RETREG1: variants seen among roughly 807,000 people sequenced by gnomAD.
RETREG1 encodes the protein reticulophagy regulator 1, also known as family with sequence similarity 134 member B.
A neutral mutation model predicts 54.8 loss-of-function variants in RETREG1; 44 were observed. The observed-to-expected ratio is 0.80, with a 90% CI of 0.63 to 1.03. The LOEUF (loss-of-function observed/expected upper bound fraction) is 1.03. RETREG1 is among the 50% of genes least tolerant of loss of function. The pLI, the probability that RETREG1 is intolerant of heterozygous loss-of-function variation, is 0.00. For missense variants in RETREG1, 554 were observed against 605.1 expected (o/e 0.92, Z 0.89); for synonymous variants, 217 against 238.5 (o/e 0.91, Z 0.83).
chr5:16,598,970 G>A (rs1273148324), intron 1 of RETREG1, among the ~76,000 whole-genome samples: 5 of 152,164 alleles, frequency 3.3e-5, no homozygotes, highest in Non-Finnish European at 5.9e-5. Context: ...TTGAGAGGTG[G>A]GAGGATCACT....
intron 3 of RETREG1, among the ~76,000 whole-genome samples, chr5:16,551,681 A>G (rs1741546011): frequency 6.6e-6 from 1 of 152,156 alleles, no homozygotes; most frequent in African/African-American, 2.4e-5. Context: ...TACATTTCCA[A>G]ATCAAAGCTG....
At chr5:16,564,362 T>C (rs970460887) in intron 3 of RETREG1, among the ~76,000 whole-genome samples, 12 of 152,184 alleles carry the variant, frequency 7.9e-5, no homozygotes, top group Non-Finnish European at 1.2e-4. Context: ...TCTCTTACAG[T>C]TTTTTATTTA....
intron 3 of RETREG1, among the ~76,000 whole-genome samples, chr5:16,505,514 C>T (rs1198794584): frequency 6.6e-6 from 1 of 152,196 alleles, no homozygotes; most frequent in East Asian, 1.9e-4. Flanking sequence ...ATTGGGAGCG[C>T]CATAAAGCCC....
At chr5:16,614,609 G>GTAATTA (rs201689746) in intron 1 of RETREG1, among the ~76,000 whole-genome samples, 2,879 of 152,294 alleles carry the variant, frequency 0.019, 89 homozygotes, top group African/African-American at 0.066. Context: ...ATGCAATATG[G>GTAATTA]TGACAGCCAT....
At chr5:16,493,080 G>A (rs1435774584) in intron 3 of RETREG1, among the ~76,000 whole-genome samples, 1 of 151,890 alleles carries the variant, frequency 6.6e-6, no homozygotes, top group Admixed American at 6.6e-5. Context: ...TGTTCTATTT[G>A]GGGCTCTCCC....
chr5:16,582,582 C>G (rs1437454303), intron 1 of RETREG1, among the ~76,000 whole-genome samples: 1 of 150,606 alleles, frequency 6.6e-6, no homozygotes, highest in South Asian at 2.1e-4. Context: ...AGGAGAGTGT[C>G]AGGGCAGCAG....
chr5:16,500,296 G>T (rs565891606), intron 3 of RETREG1, among the ~76,000 whole-genome samples: 2 of 152,166 alleles, frequency 1.3e-5, no homozygotes, highest in Admixed American at 6.5e-5. Context: ...AGGTTTTGCC[G>T]CATGCCTTTA....
At position 16,573,731 on chromosome 5, in the gene RETREG1, G is replaced by GTTTT. The variant is rs1454072189; in HGVS notation, c.321-1630_321-1629insAAAA. On this transcript the variant is annotated intron_variant, in intron 1 of 8. Coordinates refer to ENST00000306320, the MANE Select transcript of RETREG1 (RefSeq NM_001034850.3). ...TTTTTTTAATTGGTTTTTTGGGTTTGTTTGTTTTTTGTTTTTTTTTTTTTT... is the reference window on the plus strand; with the variant it reads ...TTTTTTTAATTGGTTTTTTGGGTTTGTTTTTTTGTTTTTTGTTTTTTTTTTTTTT... 1.6e-4 allele frequency among the ~76,000 whole-genome samples: 18 copies of GTTTT among 109,896 alleles called. 1 individual carries two copies. The highest frequency in any genetic ancestry group is 3.4e-4 in the Non-Finnish European group (16 of 47,244). 72.1% of individuals were successfully genotyped at this position (109,896 alleles called of 152,430 possible).
At chr5:16,554,735 ATTC>A (rs1741638206) in intron 3 of RETREG1, among the ~76,000 whole-genome samples, 1 of 152,178 alleles carries the variant, frequency 6.6e-6, no homozygotes, top group Non-Finnish European at 1.5e-5. Flanking sequence ...GTCCCTATAT[ATTC>A]TTCTACAACA....
intron 3 of RETREG1, among the ~76,000 whole-genome samples, chr5:16,523,799 T>C (rs1351526660): frequency 6.6e-6 from 1 of 152,104 alleles, no homozygotes; most frequent in East Asian, 1.9e-4. Context: ...AATACTTATT[T>C]GTCCAATCAT....
chr5:16,579,943 G>C (rs765582494), intron 1 of RETREG1, among the ~76,000 whole-genome samples: 56 of 152,182 alleles, frequency 3.7e-4, no homozygotes, highest in Non-Finnish European at 7.6e-4. Context: ...ATGGACATAA[G>C]TTTTCAACTC....
intron 2 of RETREG1, among the ~76,000 whole-genome samples, chr5:16,570,594 G>C (rs1248619101): frequency 6.6e-6 from 1 of 152,166 alleles, no homozygotes; most frequent in East Asian, 1.9e-4. Context: ...TTCCCTGAGG[G>C]AGTTCCTGTA....
chr5:16,567,210 T>G (rs1361704619), intron 2 of RETREG1, among the ~76,000 whole-genome samples: 1 of 152,130 alleles, frequency 6.6e-6, no homozygotes, highest in Non-Finnish European at 1.5e-5. Flanking sequence ...GGCAAGAGAC[T>G]TAGCAGGGAA....
At chr5:16,549,792 T>A (rs1238166116) in intron 3 of RETREG1, among the ~76,000 whole-genome samples, 7 of 152,210 alleles carry the variant, frequency 4.6e-5, no homozygotes, top group Admixed American at 4.6e-4. Context: ...TCCTGAGTCA[T>A]GATTGAAAAT....
intron 3 of RETREG1, among the ~76,000 whole-genome samples, chr5:16,557,305 C>T (rs186854590): frequency 3.9e-5 from 6 of 152,218 alleles, no homozygotes; most frequent in African/African-American, 1.4e-4. Context: ...TTTTAAAACT[C>T]ATAATTTTTT....
rs556998664 is a variant in RETREG1 at position 16,554,544 on chromosome 5, A to C, written c.458+11219T>G. 2.0e-5 allele frequency among the ~76,000 whole-genome samples: 3 copies of C among 152,354 alleles called. No individual in the cohort carries two copies. The South Asian group carries it at 6.2e-4, about 32-fold the overall frequency. On this transcript the variant is annotated intron_variant, in intron 3 of 8. Coordinates refer to ENST00000306320, the MANE Select transcript of RETREG1 (RefSeq NM_001034850.3). ...ATAAAAGAATGTTCATTATAGGAAA[A>C]ATAATGTAATAAGGGTGAACAAAAT... is the stretch of plus-strand genomic sequence containing the variant.
At chr5:16,583,184 C>T (rs1194926406) in intron 1 of RETREG1, among the ~76,000 whole-genome samples, 1 of 151,994 alleles carries the variant, frequency 6.6e-6, no homozygotes, top group Non-Finnish European at 1.5e-5. Flanking sequence ...TGGCTAACTA[C>T]AAAAAATATT....
intron 3 of RETREG1, among the ~76,000 whole-genome samples, chr5:16,519,824 A>G (rs1740473960): frequency 6.6e-6 from 1 of 152,214 alleles, no homozygotes; most frequent in Admixed American, 6.5e-5. Context: ...GTCACGCAAC[A>G]TATCACTATT....
chr5:16,539,627 C>G (rs1476971088), intron 3 of RETREG1, among the ~76,000 whole-genome samples: 2 of 152,136 alleles, frequency 1.3e-5, no homozygotes, highest in Admixed American at 6.5e-5. Context: ...ACTGAGCCTC[C>G]CAGTCCTTTC....
Sources: allele counts gnomAD v4.1 joint callset (sites outside exome capture counted in the v4.1 genomes callset), GRCh38; gene constraint gnomAD v4.1.1; transcripts MANE v1.5; gene names NCBI Gene and HGNC (gene_info 2026-07-23, HGNC 2026-07-21).